The following RALGAPA2 variants were observed in gnomAD, a reference collection of about 807,000 sequenced individuals.
RALGAPA2 encodes Ral GTPase activating protein catalytic subunit alpha 2, also known as ral GTPase-activating protein subunit alpha-2.
In RALGAPA2, 139 loss-of-function variants were observed where a neutral mutation model predicts 230.4. The ratio of observed to expected loss-of-function variants is 0.60; its 90% CI spans 0.53 to 0.69. The LOEUF (loss-of-function observed/expected upper bound fraction) is 0.69, where lower values mean the gene tolerates loss of function less well. RALGAPA2 is among the 30% of genes least tolerant of loss of function. The probability of loss-of-function intolerance (pLI) is 0.00; values close to 1 mark genes in which losing one functional copy is unlikely to be tolerated. For synonymous variants in RALGAPA2, 847 were observed against 837.8 expected (o/e 1.01, Z -0.19); for missense variants, 2,163 against 2,276.0 (o/e 0.95, Z 1.01).
At chr20:20,434,573 A>G (rs895259215) in intron 37 of RALGAPA2, among the ~76,000 whole-genome samples, 1 of 152,152 alleles carries the variant, frequency 6.6e-6, no homozygotes, top group African/African-American at 2.4e-5. Context: ...CACGTTCTGC[A>G]TGGGATGTGT....
At chr20:20,552,545 C>A (rs1405255952) in intron 23 of RALGAPA2, among the ~76,000 whole-genome samples, 12 of 151,876 alleles carry the variant, frequency 7.9e-5, no homozygotes, top group Admixed American at 7.9e-4. Context: ...TCTGTTTATC[C>A]CAGTAATCTG....
intron 23 of RALGAPA2, among the ~76,000 whole-genome samples, chr20:20,568,066 A>T (rs955991342): frequency 1.3e-5 from 2 of 152,140 alleles, no homozygotes; most frequent in Admixed American, 6.6e-5. Context: ...GACACAAAGC[A>T]GCTGAGCAGA....
At chr20:20,614,213 C>T (rs986778885) in intron 13 of RALGAPA2, among the ~76,000 whole-genome samples, 2 of 152,026 alleles carry the variant, frequency 1.3e-5, no homozygotes, top group African/African-American at 2.4e-5. Context: ...ACCATTTTTC[C>T]GTTAACTATT....
intron 37 of RALGAPA2, among the ~76,000 whole-genome samples, chr20:20,428,683 T>A (rs2060438757): frequency 6.6e-6 from 1 of 150,708 alleles, no homozygotes; most frequent in Non-Finnish European, 1.5e-5. Flanking sequence ...CTTCTCTCAA[T>A]CCCTCATTTC....
intron 3 of RALGAPA2, among the ~76,000 whole-genome samples, chr20:20,653,826 AG>A (rs1265044047): frequency 1.2e-4 from 18 of 152,156 alleles, no homozygotes; most frequent in African/African-American, 3.9e-4. Context: ...TCCCTCCAAA[AG>A]AAAACAAGAA....
intron 1 of RALGAPA2, among the ~76,000 whole-genome samples, chr20:20,701,766 G>A (rs1039152442): frequency 1.3e-5 from 2 of 149,878 alleles, no homozygotes; most frequent in Non-Finnish European, 3.0e-5. Flanking sequence ...GTGCGGCCAG[G>A]CGCAGTGGCT....
rs150344358 is a variant in RALGAPA2 at position 20,681,883 on chromosome 20, A to C, written c.107-1082T>G. Among the ~76,000 whole-genome samples, 11 of 152,260 alleles carry C rather than the reference A, an allele frequency of 7.2e-5. No homozygotes were observed. In the East Asian group the frequency reaches 1.7e-3, roughly 24 times the overall value. On this transcript the variant is annotated intron_variant, in intron 1 of 39. Coordinates refer to ENST00000202677, the MANE Select transcript of RALGAPA2 (RefSeq NM_020343.4). Reference sequence around the variant, plus strand: ...TTAAAAACAAAACAAAACAAAGCAAAAAACAAACAAACAAACAATAAAAAG... The same window carrying C: ...TTAAAAACAAAACAAAACAAAGCAACAAACAAACAAACAAACAATAAAAAG...
At chr20:20,543,677 C>A (rs1242992256) in intron 24 of RALGAPA2, among the ~76,000 whole-genome samples, 3 of 152,068 alleles carry the variant, frequency 2.0e-5, no homozygotes, top group African/African-American at 4.8e-5. Context: ...GAGAACTGAA[C>A]AATGAGAACA....
intron 10 of RALGAPA2, among the ~76,000 whole-genome samples, chr20:20,624,222 G>A (rs1362096753): frequency 2.6e-5 from 4 of 151,606 alleles, no homozygotes; most frequent in African/African-American, 4.9e-5. Context: ...AGCTATTTGG[G>A]AGGCTGAGGA....
chr20:20,425,592 A>C (rs1264442125), intron 37 of RALGAPA2, among the ~76,000 whole-genome samples: 1 of 152,240 alleles, frequency 6.6e-6, no homozygotes, highest in East Asian at 1.9e-4. Context: ...GGGGTTTACC[A>C]AATGAAAGTG....
intron 4 of RALGAPA2, among the ~76,000 whole-genome samples, chr20:20,646,911 C>A (rs1260610750): frequency 7.9e-6 from 1 of 126,958 alleles, no homozygotes; most frequent in East Asian, 2.3e-4. Context: ...ATTTTTTTTT[C>A]TCGTGCAGAA....
chr20:20,541,234 C>G (rs1457864696), intron 24 of RALGAPA2, among the ~76,000 whole-genome samples: 6 of 151,918 alleles, frequency 3.9e-5, no homozygotes, highest in Admixed American at 3.9e-4. Context: ...TAGCAGTTCC[C>G]TCTTATTTAA....
intron 1 of RALGAPA2, among the ~76,000 whole-genome samples, chr20:20,711,412 G>A (rs116916556): frequency 2.3e-4 from 35 of 152,348 alleles, no homozygotes; most frequent in Non-Finnish European, 3.7e-4. Flanking sequence ...CAAATACACA[G>A]GTAAGTGTGT....
At chr20:20,482,028 AT>A (rs1422529965) in intron 36 of RALGAPA2, among the ~76,000 whole-genome samples, 1 of 152,232 alleles carries the variant, frequency 6.6e-6, no homozygotes, top group African/African-American at 2.4e-5. Flanking sequence ...GAGAAACAGA[AT>A]TTTTATTTTC....
At chr20:20,414,649 G>C (rs1412228460) in intron 37 of RALGAPA2, among the ~76,000 whole-genome samples, 1 of 152,192 alleles carries the variant, frequency 6.6e-6, no homozygotes, top group Non-Finnish European at 1.5e-5. Context: ...ATATTTAGAG[G>C]AGTAATAATG....
intron 10 of RALGAPA2, among the ~76,000 whole-genome samples, chr20:20,624,499 G>A (rs1298193759): frequency 6.6e-6 from 1 of 152,044 alleles, no homozygotes; most frequent in Admixed American, 6.6e-5. Context: ...ATTAATCTGT[G>A]TAAATACAGA....
intron 24 of RALGAPA2, among the ~76,000 whole-genome samples, chr20:20,542,724 T>C (rs1216043232): frequency 6.6e-6 from 1 of 152,106 alleles, no homozygotes; most frequent in Non-Finnish European, 1.5e-5. Context: ...AAACTGAAAC[T>C]GGACCCCTTC....
intron 9 of RALGAPA2, among the ~76,000 whole-genome samples, chr20:20,633,376 C>A (rs546544625): frequency 6.6e-6 from 1 of 152,200 alleles, no homozygotes; most frequent in Admixed American, 6.5e-5. Context: ...TTCAAGTGAT[C>A]TGCCTGTCTT....
intron 38 of RALGAPA2, among the ~76,000 whole-genome samples, chr20:20,400,647 C>T (rs370780614): frequency 6.6e-6 from 1 of 152,258 alleles, no homozygotes; most frequent in East Asian, 1.9e-4. Context: ...AACATAAACA[C>T]CAAGATTTCC....
Sources: gnomAD v4.1 joint callset for allele counts (sites outside exome capture counted in the v4.1 genomes callset) on GRCh38, gnomAD v4.1.1 for gene constraint, MANE v1.5 for transcripts, NCBI Gene and HGNC (gene_info 2026-07-23, HGNC 2026-07-21) for gene names.